DLG2: variants seen among roughly 807,000 people sequenced by gnomAD.
DLG2 encodes disks large homolog 2.
DLG2 carries 45 observed loss-of-function variants against 132.5 expected under a neutral mutation model. That is an observed-to-expected ratio of 0.34 (90% CI 0.27 to 0.44). DLG2 has a LOEUF of 0.44. DLG2 is among the 20% of genes least tolerant of loss of function. The pLI, the probability that DLG2 is intolerant of heterozygous loss-of-function variation, is 1.00. For synonymous variants in DLG2, 424 were observed against 419.6 expected, an observed-to-expected ratio of 1.01 and a Z score of -0.13; for missense variants, 1,045 against 1,196.9, an observed-to-expected ratio of 0.87 and a Z score of 1.87.
intron 7 of DLG2, among the ~76,000 whole-genome samples, chr11:84,436,623 A>T (rs193163368): frequency 6.6e-6 from 1 of 152,230 alleles, no homozygotes; most frequent in Admixed American, 6.5e-5. Context: ...CCCAGAAAGC[A>T]CTGGAGAATT....
chr11:83,731,184 T>C (rs997365655), intron 18 of DLG2, among the ~76,000 whole-genome samples: 3 of 152,208 alleles, frequency 2.0e-5, no homozygotes, highest in South Asian at 2.1e-4. Context: ...GTTTGCTACA[T>C]AGGTATACAT....
In DLG2 at chr11:83,484,191, G is replaced by T; in HGVS notation, c.2231C>A (p.Ser744Ter). ...NDKRKKSFIF[S>*]RKFPFYKNKE... ...GTTCTTGTAGAATGGGAATTTTCGT[G>T]AAAAGATGAAGCTCTTTTTACGCTT... Residue 744 changes from serine (S) to a stop codon, truncating the protein, a stop_gained, in exon 22 of 28, where the codon TCA (serine) becomes TAA (stop). Transcript: ENST00000376104. LOFTEE classifies it high-confidence loss of function. 1 of 1,613,422 alleles carries T rather than the reference G, an allele frequency of 6.2e-7. No homozygotes were observed. The highest frequency in any genetic ancestry group is 8.5e-7 in the Non-Finnish European group (1 of 1,179,590).
intron 12 of DLG2, among the ~76,000 whole-genome samples, chr11:83,973,457 C>T (rs1218154907): frequency 1.3e-5 from 2 of 152,010 alleles, no homozygotes; most frequent in Non-Finnish European, 2.9e-5. Flanking sequence ...CAGGTTTTAT[C>T]CTGTTGTTTC....
intron 21 of DLG2, among the ~76,000 whole-genome samples, chr11:83,525,670 G>A (rs990519120): frequency 6.6e-6 from 1 of 152,198 alleles, no homozygotes; most frequent in Non-Finnish European, 1.5e-5. Context: ...GAGTGCAGCA[G>A]TATGGCTCTC....
chr11:84,314,618 G>A (rs550230512), intron 7 of DLG2, among the ~76,000 whole-genome samples: 3 of 152,072 alleles, frequency 2.0e-5, no homozygotes, highest in African/African-American at 7.2e-5. Flanking sequence ...TATATGGATA[G>A]AATGCAGCAT....
chr11:84,337,128 C>T (rs1296280551), intron 7 of DLG2, among the ~76,000 whole-genome samples: 1 of 152,150 alleles, frequency 6.6e-6, no homozygotes, highest in African/African-American at 2.4e-5. Context: ...TTCAACTCTA[C>T]AAGCTTCAGT....
chr11:84,591,377 G>T (rs1341003411), intron 6 of DLG2, among the ~76,000 whole-genome samples: 3 of 150,144 alleles, frequency 2.0e-5, no homozygotes, highest in East Asian at 4.0e-4. Flanking sequence ...AAGAAAGAAA[G>T]AACTAACAGT....
In DLG2 at chr11:84,386,787, A is replaced by T. The variant is rs140974369; in HGVS notation, c.520-135496T>A. Among the ~76,000 whole-genome samples, 7 of 152,118 alleles carry T rather than the reference A, an allele frequency of 4.6e-5. No homozygotes were observed. The East Asian group carries it at 1.2e-3, about 25-fold the overall frequency. ...GATTTTTTTCCTTCACAAACCATGCATTTTAAAATGCATCAAAATTTGTTT... is the reference window on the plus strand; with the variant it reads ...GATTTTTTTCCTTCACAAACCATGCTTTTTAAAATGCATCAAAATTTGTTT... On this transcript the variant is annotated intron_variant, in intron 7 of 27. Transcript: ENST00000376104.
intron 11 of DLG2, among the ~76,000 whole-genome samples, chr11:84,057,534 C>CT (rs1566261745): frequency 2.6e-5 from 4 of 151,946 alleles, no homozygotes; most frequent in Admixed American, 6.6e-5. Flanking sequence ...AAATGCTTCA[C>CT]TTTTTTTTCT....
At chr11:84,264,895 T>C (rs528713642) in intron 7 of DLG2, among the ~76,000 whole-genome samples, 1 of 152,332 alleles carries the variant, frequency 6.6e-6, no homozygotes, top group South Asian at 2.1e-4. Flanking sequence ...GCTGTGGCCC[T>C]GTAGAACTTA....
chr11:83,514,209 C>A (rs1229016341), intron 21 of DLG2, among the ~76,000 whole-genome samples: 1 of 152,150 alleles, frequency 6.6e-6, no homozygotes, highest in Admixed American at 6.6e-5. Context: ...TTTCATTGAG[C>A]AGTGGTTTGT....
At chr11:84,310,699 T>A (rs900662492) in intron 7 of DLG2, among the ~76,000 whole-genome samples, 1 of 152,306 alleles carries the variant, frequency 6.6e-6, no homozygotes. Flanking sequence ...GACAAGAAAG[T>A]CTTATTCTTC....
Position 84,549,252 on chromosome 11 carries a change from C to G in DLG2, c.358-14521G>C, listed in dbSNP as rs116676403. Among the ~76,000 whole-genome samples, 444 of 152,312 alleles carry G rather than the reference C, an allele frequency of 2.9e-3. 1 individual carries two copies. The highest frequency in any genetic ancestry group is 0.01 in the African/African-American group (422 of 41,560). ...ATCAAAGCAATGATTTGGGAGCAAA[C>G]TCAACAGTAGTTCATCCATTTGAAG... On this transcript the variant is annotated intron_variant, in intron 6 of 27. Transcript: ENST00000376104.
At chr11:84,663,077 T>G (rs1044124579) in intron 6 of DLG2, among the ~76,000 whole-genome samples, 7 of 152,054 alleles carry the variant, frequency 4.6e-5, no homozygotes, top group African/African-American at 1.7e-4. Flanking sequence ...AAATACATTT[T>G]CCTTAGTATG....
Position 83,522,813 on chromosome 11 carries a change from C to G in DLG2, c.2193+9895G>C, listed in dbSNP as rs565921023. Among the ~76,000 whole-genome samples the G allele has an allele frequency of 2.4e-4, 34 of 143,604 alleles. No homozygotes were observed. In the East Asian group the frequency reaches 3.2e-3, roughly 14 times the overall value. The allele number at this position is 143,604 out of a possible 152,430, so 94.2% of individuals were successfully genotyped here. A position where few individuals can be genotyped will look rare whatever the true frequency, so the allele number is the denominator to read the frequency against. ...ATAGTCTAATTTTAGAGCCCCCCCCCCCTTTTTTTTTTAATCAAAATGCAA... is the reference window on the plus strand; with the variant it reads ...ATAGTCTAATTTTAGAGCCCCCCCCGCCTTTTTTTTTTAATCAAAATGCAA... On this transcript the variant is annotated intron_variant, in intron 21 of 27. Coordinates refer to ENST00000376104, the MANE Select transcript of DLG2 (RefSeq NM_001142699.3).
chr11:83,576,119 T>C (rs1052065284), intron 19 of DLG2, among the ~76,000 whole-genome samples: 1 of 152,204 alleles, frequency 6.6e-6, no homozygotes, highest in African/African-American at 2.4e-5. Flanking sequence ...ATGAAAAATA[T>C]GCTGAATAGA....
rs3838782 is a variant in DLG2, at chr11:84,388,318, CA to C, written c.520-137028del. The stretch of plus-strand genomic sequence containing the variant: ...ATATTGTCAATCTCAAAGAATCTAT[CA>C]AAAAAAAACCCACATCTATTCCATC... On this transcript the variant is annotated intron_variant, in intron 7 of 27. Coordinates refer to ENST00000376104, the MANE Select transcript of DLG2 (RefSeq NM_001142699.3). Among the ~76,000 whole-genome samples the C allele has an allele frequency of 3.0e-3, 451 of 150,892 alleles. 14 individuals carry two copies. The East Asian group carries it at 0.065, about 22-fold the overall frequency.
intron 6 of DLG2, among the ~76,000 whole-genome samples, chr11:84,708,540 T>A (rs1369239416): frequency 6.6e-6 from 1 of 151,820 alleles, no homozygotes; most frequent in Non-Finnish European, 1.5e-5. Flanking sequence ...AGCCACATTT[T>A]TTTTTTCTTT....
chr11:83,461,395 T>TACAGAAC (rs2089987560), intron 27 of DLG2: 1 of 152,084 alleles, frequency 6.6e-6, no homozygotes, highest in African/African-American at 2.4e-5. Context: ...TATATAGGAA[T>TACAGAAC]ACAGAACTCA....
Sources: gnomAD v4.1 joint callset for allele counts (sites outside exome capture counted in the v4.1 genomes callset) on GRCh38, gnomAD v4.1.1 for gene constraint, MANE v1.5 for transcripts, NCBI Gene and HGNC (gene_info 2026-07-23, HGNC 2026-07-21) for gene names.